Variants in RAPGEF2 observed in about 807,000 individuals in gnomAD.
The protein encoded by RAPGEF2 is PDZ domain containing guanine nucleotide exchange factor (GEF) 1.
Under a neutral mutation model 186.7 loss-of-function variants are expected in RAPGEF2, and 54 were observed. The observed-to-expected ratio is 0.29, with a 90% confidence interval of 0.23 to 0.36. The LOEUF (loss-of-function observed/expected upper bound fraction) is 0.36, where lower values mean the gene tolerates loss of function less well. Ranked by LOEUF, RAPGEF2 falls within the 10% of genes least tolerant of loss-of-function variation. RAPGEF2 has a pLI of 1.00. For synonymous variants in RAPGEF2, 712 were observed against 705.9 expected (o/e 1.01, Z -0.14); for missense variants, 1,532 against 2,045.0 (o/e 0.75, Z 4.84).
chr4:159,174,760 C>CTT lies in RAPGEF2; in HGVS notation c.70-11869_70-11868dup, dbSNP rs1043918425. ...CTTCATACATGTCTTTTCTTTCTTT[C>CTT]TTTTTTTTTTTTTTGAGATAGGGTC... On this transcript the variant is annotated intron_variant, in intron 1 of 29. Coordinates refer to ENST00000691494, the MANE Select transcript of RAPGEF2 (RefSeq NM_001394067.2). Among the ~76,000 whole-genome samples, 16 of 44,162 alleles carry CTT rather than the reference C, an allele frequency of 3.6e-4. No homozygotes were observed. In the East Asian group the frequency reaches 4.4e-3, roughly 12 times the overall value. The allele number at this position is 44,162 out of a possible 152,430, so 29.0% of individuals were successfully genotyped here.
chr4:159,182,954 T>C (rs924973822), intron 1 of RAPGEF2, among the ~76,000 whole-genome samples: 4 of 152,226 alleles, frequency 2.6e-5, no homozygotes, highest in Non-Finnish European at 4.4e-5. Context: ...TCACATGTTA[T>C]GGATCAGGAG....
chr4:159,105,727 A>G (rs1737796896), intron 1 of RAPGEF2, among the ~76,000 whole-genome samples: 1 of 152,236 alleles, frequency 6.6e-6, no homozygotes, highest in South Asian at 2.1e-4. Flanking sequence ...AGTCTTCTGC[A>G]TCTGAAAATG....
At chr4:159,260,716 C>A (rs1022032756) in intron 7 of RAPGEF2, among the ~76,000 whole-genome samples, 3 of 152,056 alleles carry the variant, frequency 2.0e-5, no homozygotes, top group African/African-American at 7.2e-5. Flanking sequence ...CTTAGTAAAT[C>A]CTAACAGTTA....
chr4:159,318,422 C>T (rs1764856555), intron 9 of RAPGEF2, among the ~76,000 whole-genome samples: 1 of 152,120 alleles, frequency 6.6e-6, no homozygotes, highest in Non-Finnish European at 1.5e-5. Flanking sequence ...TCCTCTTCCC[C>T]TGCAAAAAAG....
In RAPGEF2 at chr4:159,104,027, G is replaced by A. The variant is rs1737490614; in HGVS notation, c.-136G>A. 3.5e-6 allele frequency: 1 copy of A among 284,140 alleles called. No individual in the cohort carries two copies. The allele number at this position is 284,140 out of a possible 1,614,324, so 17.6% of individuals were successfully genotyped here. A position where few individuals can be genotyped will look rare whatever the true frequency, so the allele number is the denominator to read the frequency against. ...GCCGCCCCCCCGCGGGCCCCGCGCC[G>A]CCGCCGCCGCGGTTTGGCTGATTAG... On this transcript the variant is annotated 5_prime_UTR_variant, in exon 1 of 30. Coordinates refer to ENST00000691494, the MANE Select transcript of RAPGEF2 (RefSeq NM_001394067.2).
chr4:159,189,385 A>G (rs1042231263), intron 2 of RAPGEF2, among the ~76,000 whole-genome samples: 1 of 152,230 alleles, frequency 6.6e-6, no homozygotes, highest in Non-Finnish European at 1.5e-5. Context: ...ACTAAAAACT[A>G]TGTTTCTTCA....
At chr4:159,142,041 A>G (rs1351862498) in intron 1 of RAPGEF2, among the ~76,000 whole-genome samples, 2 of 152,168 alleles carry the variant, frequency 1.3e-5, no homozygotes, top group Admixed American at 6.5e-5. Flanking sequence ...GTGTGACCAA[A>G]TGTCTTTTCT....
At chr4:159,168,406 T>G (rs998553493) in intron 1 of RAPGEF2, among the ~76,000 whole-genome samples, 1 of 151,972 alleles carries the variant, frequency 6.6e-6, no homozygotes, top group Non-Finnish European at 1.5e-5. Context: ...CAGTGAACAG[T>G]CAGGAAACAA....
chr4:159,302,372 A>C (rs1371662182), intron 7 of RAPGEF2, among the ~76,000 whole-genome samples: 1 of 152,192 alleles, frequency 6.6e-6, no homozygotes, highest in African/African-American at 2.4e-5. Flanking sequence ...TTGCATGTCA[A>C]CCTGAGTCAT....
intron 28 of RAPGEF2, among the ~76,000 whole-genome samples, chr4:159,354,836 G>A (rs150519408): frequency 3.9e-5 from 6 of 152,302 alleles, no homozygotes; most frequent in Admixed American, 2.6e-4. Context: ...GCTCTCATGC[G>A]CCCTCAGTCC....
rs148833930 is a variant in RAPGEF2 at position 159,253,675 on chromosome 4, A to G, written c.543+9884A>G. 8.0e-3 allele frequency among the ~76,000 whole-genome samples: 1,215 copies of G among 152,214 alleles called. 15 individuals carry two copies. Among genetic ancestry groups the G allele is most frequent in the African/African-American group, 0.027 (1,141 of 41,522 alleles). ...TTATTATTTGTTCTTTCAAATGAAA[A>G]TGTTTTTCTGTGGCCAGGCGCGGTG... On this transcript the variant is annotated intron_variant, in intron 7 of 29. Transcript: ENST00000691494.
At chr4:159,357,362 AAAAG>A (rs1206563081) in intron 29 of RAPGEF2, among the ~76,000 whole-genome samples, 5 of 152,172 alleles carry the variant, frequency 3.3e-5, no homozygotes, top group Non-Finnish European at 5.9e-5. Context: ...CCCGGTCTCT[AAAAG>A]AAAGAGAGAG....
chr4:159,210,386 C>A, intron 3 of RAPGEF2, 114 bp from the exon 4 acceptor site: 1 of 632,862 alleles, frequency 1.6e-6, no homozygotes. Context: ...GTGTTGTATG[C>A]TATTCTTTAT....
At position 159,224,079 on chromosome 4, in the gene RAPGEF2, T is replaced by C. The variant is rs139699632; in HGVS notation, c.281+13496T>C. ...ACTCCCGACTAATTTTTGTATTTTT[T>C]GTAAAGATGGGGTTTTGCCATGTTG... On this transcript the variant is annotated intron_variant, in intron 4 of 29. Transcript: ENST00000691494. Among the ~76,000 whole-genome samples the C allele has an allele frequency of 1.4e-4, 22 of 152,190 alleles. No homozygotes were observed. The East Asian group carries it at 4.3e-3, about 29-fold the overall frequency.
chr4:159,156,827 A>G (rs1336703827), intron 1 of RAPGEF2, among the ~76,000 whole-genome samples: 1 of 152,182 alleles, frequency 6.6e-6, no homozygotes. Context: ...GGGAAATATT[A>G]AGAAAAACCC....
chr4:159,271,664 G>A, intron 7 of RAPGEF2, among the ~76,000 whole-genome samples: 1 of 152,146 alleles, frequency 6.6e-6, no homozygotes, highest in South Asian at 2.1e-4. Context: ...CTACCCCTAT[G>A]TGACCAAATT....
At chr4:159,118,591 T>G (rs1043212590) in intron 1 of RAPGEF2, among the ~76,000 whole-genome samples, 1 of 151,900 alleles carries the variant, frequency 6.6e-6, no homozygotes, top group African/African-American at 2.4e-5. Context: ...AGTATTATTA[T>G]TATTTTTTTT....
At position 159,268,210 on chromosome 4, in the gene RAPGEF2, C is replaced by A. The variant is rs1034255226; in HGVS notation, c.543+24419C>A. ...TGGAGTTATGGGCCAGCAGGAGAAA[C>A]ACTCAGTAAGTATCGCAAATGCTGC... On this transcript the variant is annotated intron_variant, in intron 7 of 29. Coordinates refer to ENST00000691494, the MANE Select transcript of RAPGEF2 (RefSeq NM_001394067.2). 14 of 1,593,350 alleles carry A rather than the reference C, an allele frequency of 8.8e-6. No individual in the cohort carries two copies. The highest frequency in any genetic ancestry group is 1.3e-5 in the African/African-American group (1 of 74,452).
chr4:159,231,133 A>T (rs192364320), intron 4 of RAPGEF2, among the ~76,000 whole-genome samples: 2 of 152,134 alleles, frequency 1.3e-5, no homozygotes, highest in Non-Finnish European at 2.9e-5. Flanking sequence ...CACATATACC[A>T]TTGTGTTATA....
Sources: allele counts gnomAD v4.1 joint callset (sites outside exome capture counted in the v4.1 genomes callset), GRCh38; gene constraint gnomAD v4.1.1; transcripts MANE v1.5; gene names NCBI Gene and HGNC (gene_info 2026-07-23, HGNC 2026-07-21).